The following MICALL2 variants were observed in gnomAD, a reference collection of about 807,000 sequenced individuals.
MICALL2 encodes MICAL-like protein 2.
A neutral mutation model predicts 91.1 loss-of-function variants in MICALL2; 111 were observed. The observed-to-expected ratio is 1.22, with a 90% CI of 1.04 to 1.43. MICALL2 has a LOEUF of 1.43. MICALL2 is among the 40% of genes most tolerant of loss of function. MICALL2 has a pLI of 0.00. For synonymous variants in MICALL2, 694 were observed against 525.3 expected, an observed-to-expected ratio of 1.32 and a Z score of -4.39; for missense variants, 1,556 against 1,236.0, an observed-to-expected ratio of 1.26 and a Z score of -3.88.
chr7:1,457,059 G>A (rs2128526797), intron 1 of MICALL2, among the ~76,000 whole-genome samples: 1 of 152,238 alleles, frequency 6.6e-6, no homozygotes, highest in Middle Eastern at 3.4e-3. Flanking sequence ...TCTCGGGGAG[G>A]GTCCTTCCTG....
In MICALL2 at chr7:1,444,695, C is replaced by T; in HGVS notation, c.1375G>A (p.Ala459Thr). ...KEQARNFLKQ[A>T]LSALEEAGAP... ...CCAGCCTCTTCCAGCGCTGAGAGGGCCTGCTTGAGGAAGTTCCGCGCCTGC... is the reference window on the plus strand; with the variant it reads ...CCAGCCTCTTCCAGCGCTGAGAGGGTCTGCTTGAGGAAGTTCCGCGCCTGC... The change falls in exon 6 of 17, where the codon GCC (alanine) becomes ACC (threonine). Residue 459 changes from alanine to threonine, a missense_variant. Transcript: ENST00000297508. 6.2e-7 allele frequency: 1 copy of T among 1,612,110 alleles called. No individual in the cohort carries two copies. Among genetic ancestry groups the T allele is most frequent in the Non-Finnish European group, 8.5e-7 (1 of 1,179,836 alleles).
intron 14 of MICALL2, chr7:1,437,108 G>T (rs1780006673): frequency 2.1e-6 from 1 of 485,104 alleles, no homozygotes; most frequent in Non-Finnish European, 3.6e-6. Flanking sequence ...TGGACACTGA[G>T]GCTCAGGGCG....
chr7:1,437,381 T>G, intron 14 of MICALL2, 154 bp downstream of exon 14: 1 of 575,204 alleles, frequency 1.7e-6, no homozygotes, highest in Non-Finnish European at 2.9e-6. Context: ...AGCCAGGAGG[T>G]GGGAGATTTG....
chr7:1,458,944 CTGAGTCACGTCTGACT>C (rs1250782528), intron 1 of MICALL2, among the ~76,000 whole-genome samples: 3 of 152,242 alleles, frequency 2.0e-5, no homozygotes, highest in Non-Finnish European at 4.4e-5. Flanking sequence ...AGGAGCCGCC[CTGAGTCACGTCTGACT>C]CAGCCGGCGG....
At chr7:1,453,082 G>A (rs1486760440) in intron 1 of MICALL2, among the ~76,000 whole-genome samples, 5 of 151,464 alleles carry the variant, frequency 3.3e-5, no homozygotes, top group Non-Finnish European at 5.9e-5. Flanking sequence ...AGAAATCGCC[G>A]CCAGAACCGT....
intron 3 of MICALL2, 184 bp from the exon 4 acceptor site, chr7:1,447,949 T>G: frequency 2.3e-6 from 1 of 441,496 alleles, no homozygotes. Context: ...TCCCCACTCC[T>G]TCCCTCCCCA....
chr7:1,445,064 C>T lies in MICALL2; in HGVS notation c.1006G>A (p.Val336Ile), dbSNP rs1780507150. The change falls in exon 6 of 17, where the codon GTC (valine) becomes ATC (isoleucine). Residue 336 changes from valine (V) to isoleucine (I), a missense_variant. Transcript: ENST00000297508. ...GAGCTATTGGTCACACGAGGGCGGA[C>T]TTTCCCCTCCGTGGGAGTGGGGGCC... The part of the protein sequence containing the change: ...RLAPTPTEGK[V>I]RPRVTNSSPM... 1 of 1,548,898 alleles carries T rather than the reference C, an allele frequency of 6.5e-7. No homozygotes were observed. Among genetic ancestry groups the T allele is most frequent in the Non-Finnish European group, 8.7e-7 (1 of 1,146,800 alleles).
Position 1,451,667 on chromosome 7 carries a change from G to A in MICALL2, c.144-1379C>T, listed in dbSNP as rs937935747. On this transcript the variant is annotated intron_variant, in intron 1 of 16. Coordinates refer to ENST00000297508, the MANE Select transcript of MICALL2 (RefSeq NM_182924.4). The surrounding 1 kb of genome is among the most constrained non-coding windows in gnomAD (Gnocchi z 4.5). ...GCCGTGTCCTGCCTCACCCCGGCCT[G>A]CATGTCTGACCCCGGCCAGCCTCGG... Among the ~76,000 whole-genome samples the A allele has an allele frequency of 2.0e-5, 3 of 152,228 alleles. No individual in the cohort carries two copies. The highest frequency in any genetic ancestry group is 1.3e-4 in the Admixed American group (2 of 15,284).
At chr7:1,440,167 A>C in intron 8 of MICALL2, 82 bp from the exon 9 acceptor site, 1 of 1,508,198 alleles carries the variant, frequency 6.6e-7, no homozygotes. Flanking sequence ...GGCCATATGC[A>C]GACCAGCCGG....
At chr7:1,435,737 G>A (rs979794857) in intron 15 of MICALL2, among the ~76,000 whole-genome samples, 1 of 152,210 alleles carries the variant, frequency 6.6e-6, no homozygotes, top group African/African-American at 2.4e-5. Flanking sequence ...GGAGACGCAC[G>A]TGGCCTTGGA....
chr7:1,447,453 G>C lies in MICALL2; in HGVS notation c.525+122C>G, dbSNP rs1383943708. 4 of 618,602 alleles carry C rather than the reference G, an allele frequency of 6.5e-6. No individual in the cohort carries two copies. The African/African-American group carries it at 7.5e-5, about 12-fold the overall frequency. The allele number at this position is 618,602 out of a possible 1,614,324, so 38.3% of individuals were successfully genotyped here. A position where few individuals can be genotyped will look rare whatever the true frequency, so the allele number is the denominator to read the frequency against. On this transcript the variant is annotated intron_variant, in intron 4 of 16. Coordinates refer to ENST00000297508, the MANE Select transcript of MICALL2 (RefSeq NM_182924.4). ...TCTTGCTAAGGCTGAGCCCTGGACT[G>C]GGGGAGCCGCACCCCACTCTGGGTC... is the stretch of plus-strand genomic sequence containing the variant.
At position 1,451,206 on chromosome 7, in the gene MICALL2, G is replaced by A. The variant is rs1317828932; in HGVS notation, c.144-918C>T. On this transcript the variant is annotated intron_variant, in intron 1 of 16. Coordinates refer to ENST00000297508, the MANE Select transcript of MICALL2 (RefSeq NM_182924.4). This position sits in a 1 kb window ranked among gnomAD's most constrained non-coding sequence, Gnocchi z 4.5. ...GGGGACGCCAAGAGGACAGCCCCAC[G>A]TGACCTCCAGCTGGTCCTGGGACTC... is the stretch of plus-strand genomic sequence containing the variant. Among the ~76,000 whole-genome samples the A allele has an allele frequency of 2.0e-5, 3 of 152,284 alleles. No homozygotes were observed. Among genetic ancestry groups the A allele is most frequent in the Non-Finnish European group, 4.4e-5 (3 of 68,020 alleles).
intron 1 of MICALL2, among the ~76,000 whole-genome samples, chr7:1,455,114 A>G (rs1293454882): frequency 6.6e-6 from 1 of 152,080 alleles, no homozygotes; most frequent in Non-Finnish European, 1.5e-5. Context: ...CGCCACGCAC[A>G]ACGCCTGCCC....
chr7:1,436,721 C>T, intron 15 of MICALL2, 21 bp downstream of exon 15: 1 of 1,573,744 alleles, frequency 6.4e-7, no homozygotes, highest in African/African-American at 1.4e-5. Flanking sequence ...CTGGGAGGGG[C>T]CCCCGGCACC....
In MICALL2 at chr7:1,435,830, G is replaced by A. The variant is rs370394149; in HGVS notation, c.2592-683C>T. Among the ~76,000 whole-genome samples, 39 of 151,462 alleles carry A rather than the reference G, an allele frequency of 2.6e-4. No homozygotes were observed. In the East Asian group the frequency reaches 5.7e-3, roughly 22 times the overall value. ...AGCACTTTGGGAGGCTGAGGCGGGC[G>A]GATCACGAGGTCAGATCGAGACCAT... On this transcript the variant is annotated intron_variant, in intron 15 of 16. Transcript: ENST00000297508.
At position 1,445,721 on chromosome 7, in the gene MICALL2, C is replaced by T. The variant is rs180899998; in HGVS notation, c.642-293G>A. Among the ~76,000 whole-genome samples, 14 of 152,304 alleles carry T rather than the reference C, an allele frequency of 9.2e-5. No homozygotes were observed. The East Asian group carries it at 2.7e-3, about 29-fold the overall frequency. ...TTTGGGGTGCAAACCCCAGAGGGTG[C>T]TTGTGCAGGTCAGCAGACACACACC... On this transcript the variant is annotated intron_variant, in intron 5 of 16. Transcript: ENST00000297508.
intron 1 of MICALL2, among the ~76,000 whole-genome samples, chr7:1,455,873 A>T (rs1435400318): frequency 6.6e-6 from 1 of 151,986 alleles, no homozygotes; most frequent in African/African-American, 2.4e-5. Context: ...CACTGGAAGG[A>T]GAGGGGAATG....
intron 5 of MICALL2, among the ~76,000 whole-genome samples, chr7:1,446,206 G>T: frequency 8.4e-5 from 1 of 11,958 alleles, no homozygotes; most frequent in African/African-American, 5.8e-4. Context: ...AGAGGAGGGG[G>T]GAGGAGGGAG....
rs1352031261 is a variant in MICALL2 at position 1,459,180 on chromosome 7, T to C, written c.143+4A>G. On this transcript the variant is annotated splice_donor_region_variant and intron_variant, in intron 1 of 16. Coordinates refer to ENST00000297508, the MANE Select transcript of MICALL2 (RefSeq NM_182924.4). ...AGAATCAAAGGGCGCCAGGCAGGACTTACATGAGGTCGGGCCGGTGGCGGT... is the reference window on the plus strand; with the variant it reads ...AGAATCAAAGGGCGCCAGGCAGGACCTACATGAGGTCGGGCCGGTGGCGGT... 2 of 1,607,756 alleles carry C rather than the reference T, an allele frequency of 1.2e-6. No homozygotes were observed. The highest frequency in any genetic ancestry group is 2.2e-5 in the East Asian group (1 of 44,508).
Sources: gnomAD v4.1 joint callset for allele counts (sites outside exome capture counted in the v4.1 genomes callset) on GRCh38, gnomAD v4.1.1 for gene constraint, Gnocchi (gnomAD v3.1) non-coding constraint, MANE v1.5 for transcripts, NCBI Gene and HGNC (gene_info 2026-07-23, HGNC 2026-07-21) for gene names.